The following TFDP1 variants were observed in gnomAD, a reference collection of about 807,000 sequenced individuals.
The protein encoded by TFDP1 is transcription factor Dp-1.
In TFDP1, 6 loss-of-function variants were observed where a neutral mutation model predicts 48.0. The observed-to-expected ratio is 0.13, with a 90% CI of 0.07 to 0.25. The LOEUF is 0.25. TFDP1 is among the 10% of genes least tolerant of loss of function. The probability of loss-of-function intolerance (pLI) is 1.00; values close to 1 mark genes in which losing one functional copy is unlikely to be tolerated. For missense variants in TFDP1, 335 were observed against 543.0 expected (o/e 0.62, Z 3.81); for synonymous variants, 201 against 211.6 (o/e 0.95, Z 0.44).
chr13:113,614,287 G>T (rs535922663), intron 3 of TFDP1, among the ~76,000 whole-genome samples: 1 of 152,124 alleles, frequency 6.6e-6, no homozygotes, highest in South Asian at 2.1e-4. Flanking sequence ...GTGTGTAAGC[G>T]TGCAGTCCTC....
Position 113,612,549 on chromosome 13 carries a change from C to T in TFDP1, c.79+1487C>T, listed in dbSNP as rs201336205. Among the ~76,000 whole-genome samples, 6 of 152,202 alleles carry T rather than the reference C, an allele frequency of 3.9e-5. No homozygotes were observed. In the East Asian group the frequency reaches 1.2e-3, roughly 29 times the overall value. ...TGAACACTTAAAAGTGGACAAGTTGCAGGCGTGACATTTTCTGTTCAAGTG... is the reference window on the plus strand; with the variant it reads ...TGAACACTTAAAAGTGGACAAGTTGTAGGCGTGACATTTTCTGTTCAAGTG... On this transcript the variant is annotated intron_variant, in intron 3 of 11. Transcript: ENST00000375370.
At chr13:113,585,696 A>G in intron 1 of TFDP1, 78 bp from the exon 2 acceptor site, 1 of 852,028 alleles carries the variant, frequency 1.2e-6, no homozygotes, top group South Asian at 1.7e-5. Flanking sequence ...TTCCTTTGAG[A>G]TGTGTTATTT....
In TFDP1 at chr13:113,602,108, C is replaced by T. The variant is rs1057086173; in HGVS notation, c.13-8888C>T. On this transcript the variant is annotated intron_variant, in intron 2 of 11. Transcript: ENST00000375370. ...AGCGGATGGAGTTACCCGCAGGAGT[C>T]GAGGGAGGAGTGGACAGAGTTACCC... Among the ~76,000 whole-genome samples the T allele has an allele frequency of 7.9e-5, 11 of 139,774 alleles. 1 individual carries two copies. Among genetic ancestry groups the T allele is most frequent in the Admixed American group, 5.0e-4 (7 of 14,064 alleles). The allele number at this position is 139,774 out of a possible 152,430, so 91.7% of individuals were successfully genotyped here.
At chr13:113,620,045 C>G (rs2048960365) in intron 3 of TFDP1, among the ~76,000 whole-genome samples, 1 of 152,216 alleles carries the variant, frequency 6.6e-6, no homozygotes, top group Admixed American at 6.5e-5. Context: ...CTCCCCCTTC[C>G]TAATTGTGAA....
intron 3 of TFDP1, among the ~76,000 whole-genome samples, chr13:113,619,566 T>C (rs2048947815): frequency 6.6e-6 from 1 of 151,264 alleles, no homozygotes; most frequent in African/African-American, 2.4e-5. Flanking sequence ...AGCCTGTACG[T>C]CTGGGTGTGG....
intron 2 of TFDP1, among the ~76,000 whole-genome samples, chr13:113,591,917 T>C (rs1277832493): frequency 6.6e-6 from 1 of 152,222 alleles, no homozygotes; most frequent in Non-Finnish European, 1.5e-5. Context: ...CACTGCTCTC[T>C]GTATCTTTGT....
intron 2 of TFDP1, among the ~76,000 whole-genome samples, chr13:113,605,085 C>T (rs999390261): frequency 6.6e-6 from 1 of 152,028 alleles, no homozygotes; most frequent in East Asian, 1.9e-4. Context: ...GGCATCGTCA[C>T]TGTCTTTTTT....
At chr13:113,636,356 TC>T (rs2049487949) in intron 9 of TFDP1, among the ~76,000 whole-genome samples, 177 bp from the exon 10 acceptor site, 1 of 152,226 alleles carries the variant, frequency 6.6e-6, no homozygotes, top group African/African-American at 2.4e-5. Flanking sequence ...AGAATAGGCC[TC>T]GATTTGCCTC....
At chr13:113,592,146 T>C (rs754542080) in intron 2 of TFDP1, among the ~76,000 whole-genome samples, 50 of 151,376 alleles carry the variant, frequency 3.3e-4, no homozygotes, top group Non-Finnish European at 6.2e-4. Context: ...TAGTCTTTTA[T>C]GTGAATCCTG....
At chr13:113,619,739 C>T (rs866105044) in intron 3 of TFDP1, among the ~76,000 whole-genome samples, 11 of 152,204 alleles carry the variant, frequency 7.2e-5, no homozygotes, top group South Asian at 2.1e-4. Context: ...TACTGATGTA[C>T]GTACCCTGCC....
chr13:113,624,063 T>G (rs1436327448), intron 4 of TFDP1, among the ~76,000 whole-genome samples: 2 of 152,052 alleles, frequency 1.3e-5, no homozygotes, highest in African/African-American at 4.8e-5. Flanking sequence ...GGGACTTGTT[T>G]ATGGTGCCTG....
chr13:113,636,623 A>C lies in TFDP1; in HGVS notation c.929A>C (p.Glu310Ala). 1 of 1,614,124 alleles carries C rather than the reference A, an allele frequency of 6.2e-7. No individual in the cohort carries two copies. The highest frequency in any genetic ancestry group is 1.3e-5 in the African/African-American group (1 of 75,034). Reference protein sequence around the residue: ...LKRMGMACGLESGSCSAEDLK... With the variant: ...LKRMGMACGLASGSCSAEDLK... ...CGGATGGGCATGGCTTGCGGGCTGG[A>C]GTCGGGGAGCTGCTCTGCCGAAGAC... is the stretch of plus-strand genomic sequence containing the variant. Residue 310 changes from glutamate (E) to alanine (A), a missense_variant, in exon 10 of 12, where the codon GAG becomes GCG. Physicochemically the swap from Glu to Ala is moderately radical, Grantham distance 107. Coordinates refer to ENST00000375370, the MANE Select transcript of TFDP1 (RefSeq NM_007111.5).
chr13:113,615,764 C>T (rs1566657892), intron 3 of TFDP1, among the ~76,000 whole-genome samples: 1 of 152,118 alleles, frequency 6.6e-6, no homozygotes. Flanking sequence ...AAAAAGTAGC[C>T]AAGCATGGTG....
chr13:113,592,119 T>A (rs2048161704), intron 2 of TFDP1, among the ~76,000 whole-genome samples: 1 of 152,222 alleles, frequency 6.6e-6, no homozygotes, highest in East Asian at 1.9e-4. Context: ...TGAAGAGTTA[T>A]ATCTGCCTCT....
intron 4 of TFDP1, among the ~76,000 whole-genome samples, chr13:113,630,182 C>T (rs537269477): frequency 2.0e-5 from 3 of 149,622 alleles, no homozygotes; most frequent in South Asian, 2.1e-4. Context: ...CACACACACA[C>T]GCGTATTGAA....
chr13:113,619,395 C>T (rs942622294), intron 3 of TFDP1, among the ~76,000 whole-genome samples: 1 of 146,234 alleles, frequency 6.8e-6, no homozygotes, highest in Non-Finnish European at 1.5e-5. Flanking sequence ...CGCTGGAACG[C>T]GGGAGGCGGA....
Position 113,598,181 on chromosome 13 carries a change from C to T in TFDP1, c.12+12332C>T, listed in dbSNP as rs1199036225. Among the ~76,000 whole-genome samples the T allele has an allele frequency of 2.6e-5, 4 of 152,134 alleles. No homozygotes were observed. The highest frequency in any genetic ancestry group is 3.9e-4 in the East Asian group (2 of 5,182). The stretch of plus-strand genomic sequence containing the variant: ...CCCCACCACCCCAGCCCTGGAAAAC[C>T]GTGCCTGCCAGGTTCATACCACACA... On this transcript the variant is annotated intron_variant, in intron 2 of 11. Coordinates refer to ENST00000375370, the MANE Select transcript of TFDP1 (RefSeq NM_007111.5). This position sits in a 1 kb window ranked among gnomAD's most constrained non-coding sequence, Gnocchi z 4.2.
Position 113,633,068 on chromosome 13 carries a change from C to G in TFDP1, c.309-52C>G. On this transcript the variant is annotated intron_variant, in intron 5 of 11. Transcript: ENST00000375370. This position sits in a 1 kb window ranked among gnomAD's most constrained non-coding sequence, Gnocchi z 4.5. ...AGGTAAAAGCATTCCTCGATTCAGG[C>G]TGATCCTCAGGAGGGCTGACAGTCG... 1 of 1,608,860 alleles carries G rather than the reference C, an allele frequency of 6.2e-7. No homozygotes were observed. Among genetic ancestry groups the G allele is most frequent in the South Asian group, 1.1e-5 (1 of 90,624 alleles).
In TFDP1 at chr13:113,623,770, G is replaced by A. The variant is rs1030566645; in HGVS notation, c.186+484G>A. 4.6e-5 allele frequency among the ~76,000 whole-genome samples: 7 copies of A among 152,190 alleles called. No homozygotes were observed. The highest frequency in any genetic ancestry group is 2.0e-4 in the Admixed American group (3 of 15,278). On this transcript the variant is annotated intron_variant, in intron 4 of 11. Coordinates refer to ENST00000375370, the MANE Select transcript of TFDP1 (RefSeq NM_007111.5). This position sits in a 1 kb window ranked among gnomAD's most constrained non-coding sequence, Gnocchi z 5.2. ...GGGCAGATGCTGCTCCCTTGGCCAC[G>A]CACAGGAGAGGGGAAGGTGGGCATT... is the stretch of plus-strand genomic sequence containing the variant.
Sources: gnomAD v4.1 joint callset for allele counts (sites outside exome capture counted in the v4.1 genomes callset) on GRCh38, gnomAD v4.1.1 for gene constraint, Gnocchi (gnomAD v3.1) non-coding constraint, MANE v1.5 for transcripts, NCBI Gene and HGNC (gene_info 2026-07-23, HGNC 2026-07-21) for gene names.